Variants in CREG2 observed in about 807,000 individuals in gnomAD.
The protein encoded by CREG2 is cellular repressor of E1A stimulated genes 2.
Under a neutral mutation model 26.2 loss-of-function variants are expected in CREG2, and 24 were observed. That is an observed-to-expected ratio of 0.92 (90% CI 0.66 to 1.29). The LOEUF (loss-of-function observed/expected upper bound fraction) is 1.29. Ranked by LOEUF, CREG2 falls within the 50% of genes most tolerant of loss-of-function variation. The probability of loss-of-function intolerance (pLI) is 0.00; values close to 1 mark genes in which losing one functional copy is unlikely to be tolerated. For synonymous variants in CREG2, 174 were observed against 169.2 expected (o/e 1.03, Z -0.22); for missense variants, 366 against 398.6 (o/e 0.92, Z 0.70).
At chr2:101,367,862 C>T (rs1002583021) in intron 2 of CREG2, among the ~76,000 whole-genome samples, 2 of 152,206 alleles carry the variant, frequency 1.3e-5, no homozygotes, top group Non-Finnish European at 2.9e-5. Context: ...AAGGAATGCA[C>T]GCGGCCTCTA....
chr2:101,381,849 G>T (rs895740506), intron 2 of CREG2, among the ~76,000 whole-genome samples: 2 of 152,188 alleles, frequency 1.3e-5, no homozygotes, highest in Admixed American at 1.3e-4. Flanking sequence ...AAGAAGGTCC[G>T]CATACGTGGC....
chr2:101,358,679 A>G, intron 2 of CREG2, among the ~76,000 whole-genome samples: 1 of 152,238 alleles, frequency 6.6e-6, no homozygotes, highest in South Asian at 2.1e-4. Flanking sequence ...ATGGATCTGT[A>G]GCAACCTCAA....
chr2:101,362,606 TGGG>T (rs770316548), intron 2 of CREG2, among the ~76,000 whole-genome samples: 8 of 152,210 alleles, frequency 5.3e-5, no homozygotes, highest in Non-Finnish European at 1.0e-4. Flanking sequence ...GGTGTCCCTT[TGGG>T]CTCTCTACCT....
At chr2:101,368,262 T>A (rs1684649189) in intron 2 of CREG2, among the ~76,000 whole-genome samples, 1 of 140,850 alleles carries the variant, frequency 7.1e-6, no homozygotes, top group South Asian at 2.2e-4. Flanking sequence ...CACTCCAGCC[T>A]GGGCAACAGC....
Position 101,347,618 on chromosome 2 carries a change from T to C in CREG2, c.*3305A>G, listed in dbSNP as rs1684325238. 1 of 152,244 alleles carries C rather than the reference T, an allele frequency of 6.6e-6. No individual in the cohort carries two copies. The highest frequency in any genetic ancestry group is 1.5e-5 in the Non-Finnish European group (1 of 68,040). The allele number at this position is 152,244 out of a possible 1,614,324, so 9.4% of individuals were successfully genotyped here. A position where few individuals can be genotyped will look rare whatever the true frequency, so the allele number is the denominator to read the frequency against. On this transcript the variant is annotated 3_prime_UTR_variant, in exon 4 of 4. Coordinates refer to ENST00000324768, the MANE Select transcript of CREG2 (RefSeq NM_153836.4). ...TCTTTTCATGCGCTTATTTGCCATT[T>C]TTATATCCTCTGCAGTGAAATGTCT...
rs536099220 is a variant in CREG2 at position 101,370,778 on chromosome 2, C to A, written c.611+12755G>T. Among the ~76,000 whole-genome samples the A allele has an allele frequency of 3.3e-5, 5 of 152,180 alleles. No homozygotes were observed. In the East Asian group the frequency reaches 9.6e-4, roughly 29 times the overall value. ...CAAATGGTTCCAGAATCAAGCCCAG[C>A]AGGGTCAGGCTGGCCTCAGACCTGC... is the stretch of plus-strand genomic sequence containing the variant. On this transcript the variant is annotated intron_variant, in intron 2 of 3. Coordinates refer to ENST00000324768, the MANE Select transcript of CREG2 (RefSeq NM_153836.4).
chr2:101,385,096 T>G (rs1470618904), intron 1 of CREG2, among the ~76,000 whole-genome samples: 1 of 152,186 alleles, frequency 6.6e-6, no homozygotes, highest in Non-Finnish European at 1.5e-5. Context: ...TTGTTTACGG[T>G]AACACAGATG....
chr2:101,380,837 G>A (rs986043648), intron 2 of CREG2, among the ~76,000 whole-genome samples: 3 of 152,216 alleles, frequency 2.0e-5, no homozygotes, highest in Admixed American at 6.5e-5. Flanking sequence ...CCAGCTACTC[G>A]GGAGGCTGAG....
chr2:101,352,033 G>C (rs1301450052), intron 3 of CREG2, among the ~76,000 whole-genome samples: 1 of 123,316 alleles, frequency 8.1e-6, no homozygotes, highest in Admixed American at 9.4e-5. Context: ...ACCATGCCTG[G>C]CTAATTTAAA....
At chr2:101,376,082 C>T in intron 2 of CREG2, 1 of 188,504 alleles carries the variant, frequency 5.3e-6, no homozygotes, top group East Asian at 1.3e-4. Context: ...ATACTTTAAA[C>T]CCATGCATAC....
In CREG2 at chr2:101,387,379, A is replaced by T; in HGVS notation, c.79T>A (p.Ser27Thr). 1 of 1,427,030 alleles carries T rather than the reference A, an allele frequency of 7.0e-7. No individual in the cohort carries two copies. The highest frequency in any genetic ancestry group is 9.3e-7 in the Non-Finnish European group (1 of 1,077,850). 88.4% of individuals were successfully genotyped at this position (1,427,030 alleles called of 1,614,324 possible). ...ACGATCACGTAGCCCGCGGCCGGGGACAGCAGGGCGCTGCAGCACAGCAGC... is the reference window on the plus strand; with the variant it reads ...ACGATCACGTAGCCCGCGGCCGGGGTCAGCAGGGCGCTGCAGCACAGCAGC... ...SWLLCCSALL[S>T]PAAGYVIVSS... The change falls in exon 1 of 4, where the codon TCC (serine) becomes ACC (threonine). Residue 27 changes from serine (S) to threonine (T), a missense_variant. Physicochemically the swap from Ser to Thr is moderately conservative, Grantham distance 58 (BLOSUM62 1). Transcript: ENST00000324768. The surrounding 1 kb of genome is among the most constrained non-coding windows in gnomAD (Gnocchi z 4.7).
intron 2 of CREG2, among the ~76,000 whole-genome samples, chr2:101,376,605 G>A (rs191094122): frequency 6.6e-6 from 1 of 152,258 alleles, no homozygotes; most frequent in Non-Finnish European, 1.5e-5. Context: ...GAGGAAAAAG[G>A]TTTGAGAAGA....
At chr2:101,354,523 C>T (rs6735216) in intron 3 of CREG2, among the ~76,000 whole-genome samples, 102,236 of 151,908 alleles carry the variant, frequency 0.67, 36,280 homozygotes, top group South Asian at 0.78. Flanking sequence ...TACTCTCCCT[C>T]TACTGCAGAC....
intron 3 of CREG2, 45 bp downstream of exon 3, chr2:101,355,208 G>A: frequency 8.2e-7 from 1 of 1,218,942 alleles, no homozygotes; most frequent in Non-Finnish European, 1.2e-6. Flanking sequence ...CTGCTTATTA[G>A]TATTGTGTAT....
intron 2 of CREG2, among the ~76,000 whole-genome samples, chr2:101,377,040 T>TAATATA (rs1684803484): frequency 6.6e-6 from 1 of 152,152 alleles, no homozygotes; most frequent in African/African-American, 2.4e-5. Flanking sequence ...CCCTTGGAGA[T>TAATATA]GTATCAAAAT....
At chr2:101,386,756 A>G (rs533974881) in intron 1 of CREG2, among the ~76,000 whole-genome samples, 1 of 152,160 alleles carries the variant, frequency 6.6e-6, no homozygotes, top group South Asian at 2.1e-4. Flanking sequence ...GGCCACCTCA[A>G]GGTGGGGATT....
At chr2:101,375,627 C>A (rs771512689) in intron 2 of CREG2, 2 of 196,544 alleles carry the variant, frequency 1.0e-5, no homozygotes, top group Non-Finnish European at 2.2e-5. Flanking sequence ...CCCAGGAGGC[C>A]GAGCTCTGCT....
At chr2:101,353,133 T>C (rs1684407895) in intron 3 of CREG2, among the ~76,000 whole-genome samples, 2 of 152,214 alleles carry the variant, frequency 1.3e-5, no homozygotes, top group Admixed American at 1.3e-4. Flanking sequence ...TTTGTTTAAG[T>C]TCCTTGTAGA....
intron 2 of CREG2, among the ~76,000 whole-genome samples, chr2:101,367,884 G>GGCAAGGAA (rs1264127349): frequency 6.6e-6 from 1 of 152,186 alleles, no homozygotes; most frequent in Non-Finnish European, 1.5e-5. Flanking sequence ...GAGCTGAAAA[G>GGCAAGGAA]GCAAGGAAAC....
Sources: gnomAD v4.1 joint callset for allele counts (sites outside exome capture counted in the v4.1 genomes callset) on GRCh38, gnomAD v4.1.1 for gene constraint, Gnocchi (gnomAD v3.1) non-coding constraint, MANE v1.5 for transcripts, NCBI Gene and HGNC (gene_info 2026-07-23, HGNC 2026-07-21) for gene names.